The following ARHGAP44 variants were observed in gnomAD, a reference collection of about 807,000 sequenced individuals.
ARHGAP44 encodes the protein rho GTPase-activating protein 44.
Under a neutral mutation model 106.8 loss-of-function variants are expected in ARHGAP44, and 43 were observed. That is an observed-to-expected ratio of 0.40 (90% confidence interval 0.32 to 0.52). The LOEUF is 0.52. Among genes scored for constraint, ARHGAP44 ranks in the 20% least tolerant of loss-of-function variants. The pLI is 0.48. For missense variants in ARHGAP44, 866 were observed against 1,050.5 expected (o/e 0.82, Z 2.43); for synonymous variants, 439 against 410.3 (o/e 1.07, Z -0.85).
rs140910888 is a variant in ARHGAP44, at chr17:12,923,647, G to C, written c.464+3816G>C. ...AGTTATAGATTCCCCATAAGTATGA[G>C]TTATAGGCTACAGGATGAAAAGGGC... On this transcript the variant is annotated intron_variant, in intron 6 of 20. Coordinates refer to ENST00000379672, the MANE Select transcript of ARHGAP44 (RefSeq NM_014859.6). Among the ~76,000 whole-genome samples the C allele has an allele frequency of 5.2e-4, 79 of 152,276 alleles. No homozygotes were observed. The Middle Eastern group carries it at 0.01, about 20-fold the overall frequency.
intron 13 of ARHGAP44, among the ~76,000 whole-genome samples, chr17:12,953,095 G>A (rs1009531615): frequency 1.3e-5 from 2 of 152,142 alleles, no homozygotes; most frequent in Admixed American, 1.3e-4. Context: ...TGGACACCTG[G>A]GAGAAGCTGA....
chr17:12,903,130 AGAGAGAGAGAGTGTGT>A (rs2037437914), intron 3 of ARHGAP44, among the ~76,000 whole-genome samples: 2 of 116,696 alleles, frequency 1.7e-5, no homozygotes, highest in South Asian at 2.9e-4. Flanking sequence ...GAGAGAGGAG[AGAGAGAGAGAGTGTGT>A]GTGTGTGTGT....
At chr17:12,954,888 C>A (rs2039089633) in intron 13 of ARHGAP44, among the ~76,000 whole-genome samples, 1 of 152,100 alleles carries the variant, frequency 6.6e-6, no homozygotes, top group South Asian at 2.1e-4. Context: ...ACCATTGAAC[C>A]TTTTTAACAT....
chr17:12,793,494 G>A (rs956010826), intron 1 of ARHGAP44, among the ~76,000 whole-genome samples: 3 of 152,162 alleles, frequency 2.0e-5, no homozygotes, highest in African/African-American at 7.2e-5. Flanking sequence ...GATCACCTGA[G>A]GTCAGGAGTT....
At chr17:12,877,748 TAA>T (rs957765176) in intron 1 of ARHGAP44, among the ~76,000 whole-genome samples, 3 of 139,044 alleles carry the variant, frequency 2.2e-5, no homozygotes. Flanking sequence ...AGACTCCGTC[TAA>T]AAAAAAAAAA....
rs1392712763 is a variant in ARHGAP44 at position 12,949,425 on chromosome 17, G to C, written c.973+174G>C. 6.6e-6 allele frequency among the ~76,000 whole-genome samples: 1 copy of C among 152,146 alleles called. No homozygotes were observed. Among genetic ancestry groups the C allele is most frequent in the Non-Finnish European group, 1.5e-5 (1 of 68,012 alleles). On this transcript the variant is annotated intron_variant, in intron 11 of 20. Coordinates refer to ENST00000379672, the MANE Select transcript of ARHGAP44 (RefSeq NM_014859.6). The surrounding 1 kb of genome is among the most constrained non-coding windows in gnomAD (Gnocchi z 4.1). ...GGGTGCTCTGGCCCCTTGAAGGAAG[G>C]CCTCCCCGCATGCCAAGGGAAGACG...
intron 1 of ARHGAP44, among the ~76,000 whole-genome samples, chr17:12,801,252 T>C (rs1422093241): frequency 6.6e-6 from 1 of 152,268 alleles, no homozygotes; most frequent in Non-Finnish European, 1.5e-5. Flanking sequence ...CACTGTTGCC[T>C]TTGCAGATGT....
intron 10 of ARHGAP44, 147 bp downstream of exon 10, chr17:12,944,343 C>A: frequency 2.0e-6 from 2 of 1,020,004 alleles, no homozygotes; most frequent in Non-Finnish European, 2.6e-6. Context: ...CCATCTTCTG[C>A]AGAACACAAA....
chr17:12,921,829 C>G (rs2038094417), intron 6 of ARHGAP44, among the ~76,000 whole-genome samples: 1 of 152,102 alleles, frequency 6.6e-6, no homozygotes, highest in South Asian at 2.1e-4. Context: ...TTCCCAAGTG[C>G]TTTATAAAAA....
At chr17:12,967,530 A>G (rs578046790) in intron 16 of ARHGAP44, among the ~76,000 whole-genome samples, 72 of 152,092 alleles carry the variant, frequency 4.7e-4, no homozygotes, top group Middle Eastern at 3.4e-3. Context: ...TTTTTCTCAC[A>G]TGGTTTCCTT....
intron 6 of ARHGAP44, among the ~76,000 whole-genome samples, chr17:12,927,698 AC>A (rs1351516904): frequency 1.3e-5 from 2 of 152,140 alleles, no homozygotes; most frequent in Non-Finnish European, 2.9e-5. Context: ...GAGCTCATGA[AC>A]AGCTACCCTC....
chr17:12,968,162 G>T (rs1417417219), intron 16 of ARHGAP44, among the ~76,000 whole-genome samples: 2 of 152,178 alleles, frequency 1.3e-5, no homozygotes, highest in East Asian at 1.9e-4. Context: ...CAACGTGGCG[G>T]GGCCCACTTT....
rs181389718 is a variant in ARHGAP44 at position 12,941,616 on chromosome 17, C to T, written c.651+492C>T. Among the ~76,000 whole-genome samples, 11 of 152,216 alleles carry T rather than the reference C, an allele frequency of 7.2e-5. No homozygotes were observed. In the East Asian group the frequency reaches 2.1e-3, roughly 29 times the overall value. On this transcript the variant is annotated intron_variant, in intron 8 of 20. Transcript: ENST00000379672. ...AAAAATAGGAAGGCAATTCCTTCCC[C>T]CTGCACATTTTCTTTTTTAATCTAG... is the stretch of plus-strand genomic sequence containing the variant.
At chr17:12,820,261 A>T (rs1014030758) in intron 1 of ARHGAP44, among the ~76,000 whole-genome samples, 3 of 152,104 alleles carry the variant, frequency 2.0e-5, no homozygotes, top group African/African-American at 2.4e-5. Context: ...TGAATTGATA[A>T]ATAATAATTG....
chr17:12,803,657 G>T (rs2034187576), intron 1 of ARHGAP44, among the ~76,000 whole-genome samples: 1 of 152,038 alleles, frequency 6.6e-6, no homozygotes, highest in Admixed American at 6.6e-5. Flanking sequence ...ATTATAGTCT[G>T]CTTCTCTAGC....
chr17:12,912,267 C>T (rs1055388827), intron 4 of ARHGAP44, among the ~76,000 whole-genome samples: 3 of 151,884 alleles, frequency 2.0e-5, no homozygotes, highest in Admixed American at 6.6e-5. Context: ...AGCCAGAGAT[C>T]AAAAGCAAGC....
chr17:12,825,486 T>C (rs773824547), intron 1 of ARHGAP44, among the ~76,000 whole-genome samples: 14 of 152,062 alleles, frequency 9.2e-5, no homozygotes, highest in Non-Finnish European at 1.9e-4. Context: ...AGTTGGCTCA[T>C]GTGGTTGTGG....
Position 12,990,177 on chromosome 17 carries a change from C to G in ARHGAP44, c.*6C>G. 1 of 1,610,344 alleles carries G rather than the reference C, an allele frequency of 6.2e-7. No homozygotes were observed. Among genetic ancestry groups the G allele is most frequent in the Non-Finnish European group, 8.5e-7 (1 of 1,176,984 alleles). On this transcript the variant is annotated 3_prime_UTR_variant, in exon 21 of 21. Coordinates refer to ENST00000379672, the MANE Select transcript of ARHGAP44 (RefSeq NM_014859.6). ...CTGAGAGCACCGCCCTCTGACATGA[C>G]ACCGCCCATCCTGCCTCGCGTGTAC...
intron 16 of ARHGAP44, among the ~76,000 whole-genome samples, chr17:12,959,357 A>G (rs980227549): frequency 7.9e-5 from 12 of 152,188 alleles, no homozygotes; most frequent in Non-Finnish European, 1.2e-4. Flanking sequence ...CTAAAACTTG[A>G]AACAGCCTGA....
Sources: allele counts gnomAD v4.1 joint callset (sites outside exome capture counted in the v4.1 genomes callset), GRCh38; gene constraint gnomAD v4.1.1; non-coding constraint Gnocchi (gnomAD v3.1); transcripts MANE v1.5; gene names NCBI Gene and HGNC (gene_info 2026-07-23, HGNC 2026-07-21).